Variants in FAM227B observed in about 807,000 individuals in gnomAD.
The protein encoded by FAM227B is family with sequence similarity 227 member B, also known as protein FAM227B.
In FAM227B, 88 loss-of-function variants were observed where a neutral mutation model predicts 73.8. The observed-to-expected ratio is 1.19, with a 90% CI of 1.00 to 1.42. The LOEUF (loss-of-function observed/expected upper bound fraction) is 1.42, where lower values mean the gene tolerates loss of function less well. Ranked by LOEUF, FAM227B falls within the 40% of genes most tolerant of loss-of-function variation. The pLI is 0.00. For missense variants in FAM227B, 632 were observed against 590.9 expected (o/e 1.07, Z -0.72); for synonymous variants, 210 against 190.5 (o/e 1.10, Z -0.84).
At chr15:49,504,252 A>C (rs1323038292) in intron 11 of FAM227B, among the ~76,000 whole-genome samples, 1 of 137,250 alleles carries the variant, frequency 7.3e-6, no homozygotes, top group Non-Finnish European at 1.5e-5. Flanking sequence ...CAGGAAGGGG[A>C]ACATCACACC....
chr15:49,418,334 T>C (rs979246506), intron 11 of FAM227B, among the ~76,000 whole-genome samples: 3 of 152,136 alleles, frequency 2.0e-5, no homozygotes, highest in Non-Finnish European at 4.4e-5. Flanking sequence ...GGAATATAAA[T>C]CATTCTACCA....
intron 10 of FAM227B, among the ~76,000 whole-genome samples, chr15:49,514,718 T>C (rs1205013644): frequency 1.3e-5 from 2 of 152,148 alleles, no homozygotes; most frequent in Admixed American, 1.3e-4. Flanking sequence ...TTTTCATTTC[T>C]ATTAACAGTG....
chr15:49,548,593 G>T (rs900700352), intron 9 of FAM227B, among the ~76,000 whole-genome samples: 1 of 152,162 alleles, frequency 6.6e-6, no homozygotes, highest in Non-Finnish European at 1.5e-5. Context: ...AGTTTGAGTA[G>T]AATTGGTATT....
At chr15:49,403,638 T>A (rs947660886) in intron 11 of FAM227B, among the ~76,000 whole-genome samples, 7 of 152,158 alleles carry the variant, frequency 4.6e-5, no homozygotes, top group Admixed American at 1.3e-4. Flanking sequence ...TGTGTTTGTT[T>A]GGATCTTCTC....
At chr15:49,497,123 T>A (rs1191821652) in intron 11 of FAM227B, among the ~76,000 whole-genome samples, 2 of 152,234 alleles carry the variant, frequency 1.3e-5, no homozygotes, top group Non-Finnish European at 2.9e-5. Flanking sequence ...AGAAATATTC[T>A]ACTCACCTCA....
chr15:49,462,054 G>A (rs1597354090), intron 11 of FAM227B, among the ~76,000 whole-genome samples: 1 of 152,040 alleles, frequency 6.6e-6, no homozygotes, highest in African/African-American at 2.4e-5. Flanking sequence ...GGCAGGTGGC[G>A]GTTGCAGTGA....
At chr15:49,613,313 A>G (rs34212162) in intron 2 of FAM227B, among the ~76,000 whole-genome samples, 28,472 of 152,194 alleles carry the variant, frequency 0.19, 3,115 homozygotes, top group East Asian at 0.36. Flanking sequence ...TCAACAGTAC[A>G]AGAGACCAGC....
intron 11 of FAM227B, among the ~76,000 whole-genome samples, chr15:49,403,433 T>C (rs1404675199): frequency 2.6e-5 from 4 of 152,208 alleles, no homozygotes; most frequent in Non-Finnish European, 5.9e-5. Context: ...ATCGCCTTAA[T>C]TTCAGAACAT....
chr15:49,376,291 A>C lies in FAM227B; in HGVS notation c.1013-4892T>G, dbSNP rs569171835. 1.3e-4 allele frequency among the ~76,000 whole-genome samples: 20 copies of C among 151,976 alleles called. 1 individual carries two copies. The South Asian group carries it at 4.0e-3, about 30-fold the overall frequency. ...TAAGTATATAATCCATTTTGAGTTA[A>C]ATTTTGTATATTGTGTGAGGTACAA... On this transcript the variant is annotated intron_variant, in intron 11 of 15. Coordinates refer to ENST00000299338, the MANE Select transcript of FAM227B (RefSeq NM_152647.3).
At chr15:49,338,104 T>C (rs190907398) in intron 13 of FAM227B, among the ~76,000 whole-genome samples, 277 of 152,366 alleles carry the variant, frequency 1.8e-3, no homozygotes, top group African/African-American at 6.4e-3. Context: ...TTGTGTCTTT[T>C]AATTGGGGGC....
In FAM227B at chr15:49,541,677, T is replaced by C; in HGVS notation, c.874+3A>G. On this transcript the variant is annotated splice_donor_region_variant and intron_variant, in intron 10 of 15. Coordinates refer to ENST00000299338, the MANE Select transcript of FAM227B (RefSeq NM_152647.3). ...GATTAATATTTAAATGATATATTCA[T>C]ACCTGAACACCAAAGAAAAATGTTA... The C allele has an allele frequency of 1.3e-6, 2 of 1,496,356 alleles. No individual in the cohort carries two copies. Among genetic ancestry groups the C allele is most frequent in the East Asian group, 2.5e-5 (1 of 40,610 alleles). 92.7% of individuals were successfully genotyped at this position (1,496,356 alleles called of 1,614,324 possible). A position where few individuals can be genotyped will look rare whatever the true frequency, so the allele number is the denominator to read the frequency against.
chr15:49,369,363 C>T (rs975257254), intron 12 of FAM227B, among the ~76,000 whole-genome samples: 1 of 152,082 alleles, frequency 6.6e-6, no homozygotes, highest in Non-Finnish European at 1.5e-5. Flanking sequence ...TGTTTCCATT[C>T]ATCCCATGAA....
intron 13 of FAM227B, among the ~76,000 whole-genome samples, chr15:49,349,854 AAAAAC>A (rs546612405): frequency 7.2e-5 from 11 of 152,166 alleles, no homozygotes; most frequent in Admixed American, 3.3e-4. Flanking sequence ...AAAAACGATA[AAAAAC>A]AAAACAAAAC....
At chr15:49,366,726 C>G in intron 13 of FAM227B, 3 of 1,100,210 alleles carry the variant, frequency 2.7e-6, no homozygotes, top group Non-Finnish European at 4.0e-6. Context: ...GCGCGGCTCA[C>G]TAGGTGGGGT....
chr15:49,449,806 T>TATAA (rs5812486), intron 11 of FAM227B, among the ~76,000 whole-genome samples: 142,755 of 151,872 alleles, frequency 0.94, 67,753 homozygotes, highest in East Asian at 1. Flanking sequence ...CATAGTCAAT[T>TATAA]ATAAAGATAC....
intron 10 of FAM227B, among the ~76,000 whole-genome samples, chr15:49,539,056 C>T (rs2070686165): frequency 6.6e-6 from 1 of 152,084 alleles, no homozygotes; most frequent in Non-Finnish European, 1.5e-5. Flanking sequence ...GGTGCAGTCA[C>T]CTCTTCCAGA....
chr15:49,476,723 A>C (rs531926597), intron 11 of FAM227B, among the ~76,000 whole-genome samples: 2 of 152,340 alleles, frequency 1.3e-5, no homozygotes, highest in South Asian at 4.1e-4. Context: ...TTTAAAAATT[A>C]GTAGACTTTG....
At chr15:49,472,817 T>C (rs1339382636) in intron 11 of FAM227B, among the ~76,000 whole-genome samples, 4 of 152,110 alleles carry the variant, frequency 2.6e-5, no homozygotes, top group African/African-American at 4.8e-5. Context: ...TAATGATAAA[T>C]AGTAGATGGA....
intron 10 of FAM227B, among the ~76,000 whole-genome samples, chr15:49,525,237 C>T (rs1353714403): frequency 6.6e-6 from 1 of 151,952 alleles, no homozygotes; most frequent in African/African-American, 2.4e-5. Flanking sequence ...GCAGGTTTTT[C>T]CCTGATGTTC....
Sources: allele counts gnomAD v4.1 joint callset (sites outside exome capture counted in the v4.1 genomes callset), GRCh38; gene constraint gnomAD v4.1.1; transcripts MANE v1.5; gene names NCBI Gene and HGNC (gene_info 2026-07-23, HGNC 2026-07-21).